GALNT18: variants seen among roughly 807,000 people sequenced by gnomAD.
GALNT18 encodes the protein polypeptide N-acetylgalactosaminyltransferase 18.
In GALNT18, 44 loss-of-function variants were observed where a neutral mutation model predicts 69.5. The observed-to-expected ratio is 0.63, with a 90% CI of 0.50 to 0.81. GALNT18 has a LOEUF of 0.81. Among genes scored for constraint, GALNT18 ranks in the 40% least tolerant of loss-of-function variants. The probability of loss-of-function intolerance (pLI) is 0.00; values close to 1 mark genes in which losing one functional copy is unlikely to be tolerated. For missense variants in GALNT18, 715 were observed against 810.0 expected (o/e 0.88, Z 1.42); for synonymous variants, 364 against 318.2 (o/e 1.14, Z -1.53).
intron 10 of GALNT18, among the ~76,000 whole-genome samples, chr11:11,278,225 C>A (rs184845924): frequency 7.2e-4 from 109 of 151,916 alleles, no homozygotes; most frequent in African/African-American, 2.3e-3. Context: ...GACTTTAACA[C>A]CCCACCTTTA....
At chr11:11,400,538 A>G in intron 3 of GALNT18, among the ~76,000 whole-genome samples, 1 of 152,312 alleles carries the variant, frequency 6.6e-6, no homozygotes, top group East Asian at 1.9e-4. Flanking sequence ...GAGTGACTTA[A>G]GAACAACAGA....
At chr11:11,458,508 G>A (rs117793812) in intron 1 of GALNT18, among the ~76,000 whole-genome samples, 3,288 of 152,200 alleles carry the variant, frequency 0.022, 48 homozygotes, top group Non-Finnish European at 0.035. Flanking sequence ...TTCTCTTGTC[G>A]GCTTTCAGTA....
chr11:11,621,265 G>A lies in GALNT18; in HGVS notation c.235+94C>T, dbSNP rs1449443312. On this transcript the variant is annotated intron_variant, in intron 1 of 10. Coordinates refer to ENST00000227756, the MANE Select transcript of GALNT18 (RefSeq NM_198516.3). This position sits in a 1 kb window ranked among gnomAD's most constrained non-coding sequence, Gnocchi z 9.3. ...ATCTGCGGCCCCAGAGCCCCGCCGTGGCTGAGTTGATGCGCACCAGCCCCA... is the reference window on the plus strand; with the variant it reads ...ATCTGCGGCCCCAGAGCCCCGCCGTAGCTGAGTTGATGCGCACCAGCCCCA... 1 of 1,016,088 alleles carries A rather than the reference G, an allele frequency of 9.8e-7. No homozygotes were observed. Among genetic ancestry groups the A allele is most frequent in the East Asian group, 2.4e-5 (1 of 41,792 alleles). 62.9% of individuals were successfully genotyped at this position (1,016,088 alleles called of 1,614,324 possible).
At position 11,465,922 on chromosome 11, in the gene GALNT18, T is replaced by G. The variant is rs1304107944; in HGVS notation, c.236-16986A>C. 6.6e-6 allele frequency among the ~76,000 whole-genome samples: 1 copy of G among 151,978 alleles called. No individual in the cohort carries two copies. The highest frequency in any genetic ancestry group is 1.5e-5 in the Non-Finnish European group (1 of 67,996). On this transcript the variant is annotated intron_variant, in intron 1 of 10. Transcript: ENST00000227756. The surrounding 1 kb of genome is among the most constrained non-coding windows in gnomAD (Gnocchi z 5.7). ...CCAGTGCTCTGCTCAACATAGGGGG[T>G]AGGAAGGTCTCCCAGATGTGGATGT...
intron 9 of GALNT18, among the ~76,000 whole-genome samples, chr11:11,300,777 C>G (rs1053942718): frequency 1.3e-5 from 2 of 152,242 alleles, no homozygotes; most frequent in Admixed American, 6.5e-5. Context: ...TCCACCTTGG[C>G]TGCAGAGCAG....
At chr11:11,370,640 C>T (rs112429446) in intron 6 of GALNT18, among the ~76,000 whole-genome samples, 66 of 151,656 alleles carry the variant, frequency 4.4e-4, no homozygotes, top group African/African-American at 1.5e-3. Flanking sequence ...ACTCTGTACA[C>T]GAAACCACCC....
chr11:11,355,742 T>C (rs1225487070), intron 6 of GALNT18, among the ~76,000 whole-genome samples: 1 of 152,132 alleles, frequency 6.6e-6, no homozygotes, highest in Non-Finnish European at 1.5e-5. Context: ...AAGCAAGTCA[T>C]CAAGACCCTC....
intron 9 of GALNT18, among the ~76,000 whole-genome samples, chr11:11,297,770 G>A (rs4910298): frequency 0.56 from 84,906 of 151,924 alleles, 24,223 homozygotes; most frequent in Middle Eastern, 0.61. Flanking sequence ...CGTCATCCCC[G>A]CCCACTCAGC....
intron 9 of GALNT18, among the ~76,000 whole-genome samples, chr11:11,299,781 C>A (rs1190785014): frequency 6.6e-6 from 1 of 152,178 alleles, no homozygotes; most frequent in Non-Finnish European, 1.5e-5. Flanking sequence ...CACGCATGTG[C>A]CAGTGTCTTT....
chr11:11,591,159 C>CGTGTGTGTGTGTGTGT lies in GALNT18; in HGVS notation c.235+30184_235+30199dup, dbSNP rs142063535. 7.4e-4 allele frequency among the ~76,000 whole-genome samples: 110 copies of CGTGTGTGTGTGTGTGT among 149,058 alleles called. 1 individual carries two copies. The highest frequency in any genetic ancestry group is 2.5e-3 in the African/African-American group (99 of 40,346). ...TGCTGACTCTGTAGGCCTAGGCTAC[C>CGTGTGTGTGTGTGTGT]GTGTGTGTGTGTGTGTGTGTGTGTG... On this transcript the variant is annotated intron_variant, in intron 1 of 10. Transcript: ENST00000227756. The surrounding 1 kb of genome is among the most constrained non-coding windows in gnomAD (Gnocchi z 4.8).
chr11:11,326,312 G>A (rs1285566616), intron 9 of GALNT18, among the ~76,000 whole-genome samples: 2 of 152,250 alleles, frequency 1.3e-5, no homozygotes, highest in East Asian at 3.9e-4. Context: ...CCAAACTGCT[G>A]AGATTACAGG....
intron 1 of GALNT18, among the ~76,000 whole-genome samples, chr11:11,513,956 G>A (rs1857214124): frequency 6.7e-6 from 1 of 148,256 alleles, no homozygotes; most frequent in Non-Finnish European, 1.5e-5. Flanking sequence ...GCAAACTACT[G>A]GTGAGCAGCT....
chr11:11,274,940 T>C (rs185364095), intron 10 of GALNT18, among the ~76,000 whole-genome samples: 116 of 152,372 alleles, frequency 7.6e-4, no homozygotes, highest in African/African-American at 2.7e-3. Flanking sequence ...GTTTATCCAG[T>C]CTAGTGTTGA....
chr11:11,393,606 G>A (rs1440433876), intron 3 of GALNT18, among the ~76,000 whole-genome samples: 5 of 152,206 alleles, frequency 3.3e-5, no homozygotes, highest in African/African-American at 1.2e-4. Flanking sequence ...AGAGACCCGT[G>A]TCCCTGAGAT....
chr11:11,363,050 C>T (rs941261124), intron 6 of GALNT18, among the ~76,000 whole-genome samples: 4 of 152,020 alleles, frequency 2.6e-5, no homozygotes, highest in Admixed American at 2.0e-4. Context: ...TAAAAATGTG[C>T]ATAGTATACT....
chr11:11,344,983 T>C (rs1265822924), intron 6 of GALNT18, among the ~76,000 whole-genome samples: 2 of 152,168 alleles, frequency 1.3e-5, no homozygotes, highest in African/African-American at 2.4e-5. Flanking sequence ...TGCCTATTAT[T>C]ATTTCATAAT....
chr11:11,502,217 A>G (rs1445192793), intron 1 of GALNT18, among the ~76,000 whole-genome samples: 1 of 152,236 alleles, frequency 6.6e-6, no homozygotes, highest in Non-Finnish European at 1.5e-5. Context: ...TGAGGCTTGC[A>G]GAATTTATGC....
At chr11:11,369,595 G>A (rs1157193482) in intron 6 of GALNT18, among the ~76,000 whole-genome samples, 1 of 152,136 alleles carries the variant, frequency 6.6e-6, no homozygotes, top group Non-Finnish European at 1.5e-5. Context: ...TATTGGGGCT[G>A]GGGGCACTCA....
At chr11:11,391,339 A>G (rs139955327) in intron 3 of GALNT18, among the ~76,000 whole-genome samples, 21 of 152,358 alleles carry the variant, frequency 1.4e-4, no homozygotes, top group African/African-American at 4.6e-4. Context: ...GGTAAGTACT[A>G]CTAGTAACCC....
Sources: allele counts gnomAD v4.1 joint callset (sites outside exome capture counted in the v4.1 genomes callset), GRCh38; gene constraint gnomAD v4.1.1; non-coding constraint Gnocchi (gnomAD v3.1); transcripts MANE v1.5; gene names NCBI Gene and HGNC (gene_info 2026-07-23, HGNC 2026-07-21).